Variants in CDIN1 observed in about 807,000 individuals in gnomAD.
CDIN1 encodes CDAN1 interacting nuclease 1.
In CDIN1, 33 loss-of-function variants were observed where a neutral mutation model predicts 45.3. The ratio of observed to expected loss-of-function variants is 0.73; its 90% CI spans 0.55 to 0.97. CDIN1 has a LOEUF of 0.97. Ranked by LOEUF, CDIN1 falls within the 50% of genes least tolerant of loss-of-function variation. The probability of loss-of-function intolerance (pLI) is 0.00; values close to 1 mark genes in which losing one functional copy is unlikely to be tolerated. For missense variants in CDIN1, 303 were observed against 339.4 expected (o/e 0.89, Z 0.84); for synonymous variants, 118 against 124.4 (o/e 0.95, Z 0.34).
chr15:36,667,061 C>A (rs888097841), intron 5 of CDIN1, among the ~76,000 whole-genome samples: 3 of 152,186 alleles, frequency 2.0e-5, no homozygotes, highest in Non-Finnish European at 4.4e-5. Context: ...GTGCTCCTCA[C>A]AATTATGCTC....
intron 5 of CDIN1, among the ~76,000 whole-genome samples, chr15:36,660,562 T>C (rs2040969902): frequency 1.3e-5 from 2 of 152,174 alleles, no homozygotes; most frequent in African/African-American, 2.4e-5. Context: ...AGGAGTACTG[T>C]TGGGTTTCTC....
intron 10 of CDIN1, among the ~76,000 whole-genome samples, chr15:36,797,745 C>A (rs1434324759): frequency 6.6e-6 from 1 of 151,930 alleles, no homozygotes; most frequent in African/African-American, 2.4e-5. Context: ...TTTGGGGGGC[C>A]GAGGCGGGCA....
At chr15:36,648,692 A>C (rs749985508) in intron 3 of CDIN1, 14 of 152,180 alleles carry the variant, frequency 9.2e-5, no homozygotes, top group Admixed American at 9.2e-4. Context: ...GGCCTCCCAA[A>C]GTGCTGGGAT....
At chr15:36,673,122 T>G (rs1416795594) in intron 5 of CDIN1, among the ~76,000 whole-genome samples, 1 of 152,072 alleles carries the variant, frequency 6.6e-6, no homozygotes, top group Admixed American at 6.6e-5. Context: ...TATCAGCACT[T>G]TTTATTTCTA....
chr15:36,617,745 A>C (rs1314720064), intron 1 of CDIN1: 5 of 803,406 alleles, frequency 6.2e-6, no homozygotes, highest in Non-Finnish European at 1.1e-5. Flanking sequence ...AGCTTTGTTC[A>C]AATTGAAAAC....
At chr15:36,685,729 C>T (rs2042017299) in intron 5 of CDIN1, among the ~76,000 whole-genome samples, 1 of 152,002 alleles carries the variant, frequency 6.6e-6, no homozygotes, top group Non-Finnish European at 1.5e-5. Context: ...AACAAACAAC[C>T]CCATCAAAAA....
chr15:36,598,807 GT>G (rs546982398), intron 1 of CDIN1, among the ~76,000 whole-genome samples: 4 of 151,600 alleles, frequency 2.6e-5, no homozygotes, highest in African/African-American at 4.9e-5. Context: ...GCTTTAGTGA[GT>G]TTTTTTGTTT....
intron 10 of CDIN1, among the ~76,000 whole-genome samples, chr15:36,781,377 G>A (rs1048275058): frequency 6.6e-6 from 1 of 152,146 alleles, no homozygotes; most frequent in African/African-American, 2.4e-5. Flanking sequence ...ATTTACAGAT[G>A]AGGAAAAAGG....
intron 10 of CDIN1, among the ~76,000 whole-genome samples, chr15:36,761,346 C>T (rs947969030): frequency 1.8e-4 from 27 of 152,204 alleles, no homozygotes; most frequent in African/African-American, 6.5e-4. Flanking sequence ...AATGTTGTCA[C>T]AGACCTTATT....
chr15:36,712,440 G>A (rs143567658), intron 10 of CDIN1, among the ~76,000 whole-genome samples: 63 of 151,528 alleles, frequency 4.2e-4, no homozygotes, highest in African/African-American at 1.5e-3. Context: ...TAATTTTTGT[G>A]TTTTTAGTAG....
chr15:36,620,182 T>C (rs1183007618), intron 1 of CDIN1, among the ~76,000 whole-genome samples: 1 of 151,966 alleles, frequency 6.6e-6, no homozygotes, highest in East Asian at 1.9e-4. Flanking sequence ...AAACCCCGTC[T>C]CTACTAAAAA....
intron 5 of CDIN1, among the ~76,000 whole-genome samples, chr15:36,682,290 T>G (rs1045767123): frequency 5.9e-5 from 9 of 152,050 alleles, no homozygotes; most frequent in Non-Finnish European, 1.3e-4. Flanking sequence ...CAGTTAGAGT[T>G]CACAGACAGG....
At chr15:36,652,736 C>A (rs1182811506) in intron 3 of CDIN1, among the ~76,000 whole-genome samples, 1 of 152,078 alleles carries the variant, frequency 6.6e-6, no homozygotes, top group Non-Finnish European at 1.5e-5. Flanking sequence ...GAGGTTCTCC[C>A]CACCTTAAAT....
intron 10 of CDIN1, among the ~76,000 whole-genome samples, chr15:36,720,326 G>A (rs1020118658): frequency 5.3e-5 from 8 of 150,180 alleles, no homozygotes; most frequent in African/African-American, 1.7e-4. Context: ...TGTGCACAAC[G>A]TGCAGGTTTG....
intron 5 of CDIN1, among the ~76,000 whole-genome samples, chr15:36,677,532 A>G (rs1035204332): frequency 6.6e-6 from 1 of 152,144 alleles, no homozygotes; most frequent in African/African-American, 2.4e-5. Context: ...AAACCCCCAG[A>G]TACTTAAAGA....
rs8028704 is a variant in CDIN1 at position 36,596,885 on chromosome 15, A to G, written c.101+16924A>G. Among the ~76,000 whole-genome samples, 7 of 152,348 alleles carry G rather than the reference A, an allele frequency of 4.6e-5. No individual in the cohort carries two copies. The East Asian group carries it at 5.8e-4, about 13-fold the overall frequency. ...TGGGACCTATAAATCTGATTCCTGC[A>G]TGTGTCAAAACAGTAATGTATTAAA... is the stretch of plus-strand genomic sequence containing the variant. On this transcript the variant is annotated intron_variant, in intron 1 of 10. Transcript: ENST00000566621.
intron 5 of CDIN1, among the ~76,000 whole-genome samples, chr15:36,665,213 A>G (rs2041202100): frequency 6.6e-6 from 1 of 152,226 alleles, no homozygotes; most frequent in African/African-American, 2.4e-5. Flanking sequence ...TGGATAAGAC[A>G]TATAAGAGTA....
At chr15:36,789,538 G>A (rs549306361) in intron 10 of CDIN1, among the ~76,000 whole-genome samples, 10 of 152,174 alleles carry the variant, frequency 6.6e-5, no homozygotes, top group Non-Finnish European at 1.3e-4. Flanking sequence ...CAGGTACAAA[G>A]TTACCATGAC....
At chr15:36,739,628 A>T (rs916394218) in intron 10 of CDIN1, among the ~76,000 whole-genome samples, 2 of 152,228 alleles carry the variant, frequency 1.3e-5, no homozygotes, top group African/African-American at 4.8e-5. Flanking sequence ...GGAAATGCAC[A>T]CTGTGACACG....
Sources: gnomAD v4.1 joint callset for allele counts (sites outside exome capture counted in the v4.1 genomes callset) on GRCh38, gnomAD v4.1.1 for gene constraint, MANE v1.5 for transcripts, NCBI Gene and HGNC (gene_info 2026-07-23, HGNC 2026-07-21) for gene names.